SLC6A11: variants seen among roughly 807,000 people sequenced by gnomAD.
The protein encoded by SLC6A11 is solute carrier family 6 member 11.
A neutral mutation model predicts 74.8 loss-of-function variants in SLC6A11; 25 were observed. The ratio of observed to expected loss-of-function variants is 0.33; its 90% CI spans 0.24 to 0.47. SLC6A11 has a LOEUF of 0.47. SLC6A11 is among the 20% of genes least tolerant of loss of function. The pLI, the probability that SLC6A11 is intolerant of heterozygous loss-of-function variation, is 1.00. For missense variants in SLC6A11, 574 were observed against 837.0 expected (o/e 0.69, Z 3.88); for synonymous variants, 330 against 330.2 (o/e 1.00, Z 0.01).
chr3:10,846,125 G>A (rs1289191389), intron 5 of SLC6A11, among the ~76,000 whole-genome samples: 1 of 152,214 alleles, frequency 6.6e-6, no homozygotes, highest in African/African-American at 2.4e-5. Flanking sequence ...AGCAGAGTGA[G>A]TAAGTAATAG....
chr3:10,860,531 G>A (rs1398238209), intron 5 of SLC6A11, among the ~76,000 whole-genome samples: 1 of 152,218 alleles, frequency 6.6e-6, no homozygotes, highest in Non-Finnish European at 1.5e-5. Flanking sequence ...GAAGCTGAAG[G>A]GTTCCCTGAG....
intron 12 of SLC6A11, among the ~76,000 whole-genome samples, chr3:10,934,658 A>G (rs1559589450): frequency 6.6e-6 from 1 of 152,256 alleles, no homozygotes; most frequent in Non-Finnish European, 1.5e-5. Context: ...GCATCTTCAC[A>G]GACTGTTGTA....
At chr3:10,862,876 C>T (rs937424457) in intron 5 of SLC6A11, among the ~76,000 whole-genome samples, 3 of 152,234 alleles carry the variant, frequency 2.0e-5, no homozygotes, top group African/African-American at 7.2e-5. Flanking sequence ...CATTCATCAG[C>T]ATGCTCTCAG....
At chr3:10,839,495 C>T (rs1234768587) in intron 4 of SLC6A11, among the ~76,000 whole-genome samples, 2 of 152,136 alleles carry the variant, frequency 1.3e-5, no homozygotes, top group East Asian at 1.9e-4. Flanking sequence ...GAGGATACCC[C>T]TCCTTGGGTT....
chr3:10,933,743 C>T (rs148672462), intron 11 of SLC6A11, among the ~76,000 whole-genome samples: 7 of 152,288 alleles, frequency 4.6e-5, no homozygotes, highest in Non-Finnish European at 7.3e-5. Flanking sequence ...CTGCCAGGCC[C>T]CTGCCTTCAA....
intron 7 of SLC6A11, among the ~76,000 whole-genome samples, chr3:10,913,020 CCA>C (rs2106626148): frequency 6.6e-6 from 1 of 151,322 alleles, no homozygotes; most frequent in Non-Finnish European, 1.5e-5. Context: ...CAATCCCTTA[CCA>C]CAGAGTAGTG....
At chr3:10,877,237 C>CG (rs1219260028) in intron 6 of SLC6A11, among the ~76,000 whole-genome samples, 3 of 152,166 alleles carry the variant, frequency 2.0e-5, no homozygotes, top group Non-Finnish European at 4.4e-5. Flanking sequence ...ACCCCTGTGT[C>CG]GGGGGGTGGT....
chr3:10,927,178 G>A (rs1180679295), intron 9 of SLC6A11, among the ~76,000 whole-genome samples: 5 of 152,212 alleles, frequency 3.3e-5, no homozygotes, highest in South Asian at 2.1e-4. Context: ...CCAAATCACC[G>A]GGTGTTTCTG....
intron 5 of SLC6A11, among the ~76,000 whole-genome samples, chr3:10,853,367 C>T (rs1232207845): frequency 2.0e-5 from 3 of 152,226 alleles, no homozygotes; most frequent in African/African-American, 4.8e-5. Flanking sequence ...GGGGCACCCC[C>T]GCTTGCTGTC....
chr3:10,925,500 TA>T (rs1184846947), intron 8 of SLC6A11, among the ~76,000 whole-genome samples: 1 of 152,136 alleles, frequency 6.6e-6, no homozygotes, highest in Non-Finnish European at 1.5e-5. Flanking sequence ...GTGCAGCAAC[TA>T]AAACAAGGGA....
At chr3:10,844,674 T>A (rs1694480952) in intron 5 of SLC6A11, among the ~76,000 whole-genome samples, 1 of 152,050 alleles carries the variant, frequency 6.6e-6, no homozygotes, top group Admixed American at 6.5e-5. Context: ...ACTACAAGGG[T>A]TCTTTGGTAA....
intron 6 of SLC6A11, among the ~76,000 whole-genome samples, chr3:10,909,197 T>C (rs1695351308): frequency 6.6e-6 from 1 of 151,740 alleles, no homozygotes; most frequent in Non-Finnish European, 1.5e-5. Context: ...AGAAAAATCC[T>C]TGGATTGGCC....
chr3:10,881,410 C>G (rs763959982), intron 6 of SLC6A11, among the ~76,000 whole-genome samples: 2 of 152,094 alleles, frequency 1.3e-5, no homozygotes, highest in African/African-American at 2.4e-5. Context: ...AGCGAGACTC[C>G]GTCTCAAAAA....
Position 10,832,926 on chromosome 3 carries a change from A to C in SLC6A11, c.623+9534A>C, listed in dbSNP as rs148081831. Among the ~76,000 whole-genome samples the C allele has an allele frequency of 5.9e-3, 901 of 152,318 alleles. 7 individuals carry two copies. The highest frequency in any genetic ancestry group is 0.02 in the African/African-American group (851 of 41,562). ...CAGGATTTGGGTTTCCAAGCTGCTG[A>C]AGTAGGAAGGGGCATGCCAAAGTCT... On this transcript the variant is annotated intron_variant, in intron 4 of 13. Coordinates refer to ENST00000254488, the MANE Select transcript of SLC6A11 (RefSeq NM_014229.3).
chr3:10,878,736 T>C (rs961040343), intron 6 of SLC6A11, among the ~76,000 whole-genome samples: 2 of 152,128 alleles, frequency 1.3e-5, no homozygotes, highest in African/African-American at 2.4e-5. Flanking sequence ...GGACTGAGTT[T>C]AAACATCACT....
In SLC6A11 at chr3:10,938,142, G is replaced by T; in HGVS notation, c.1747-108G>T. ...AGCTGGGGCCCGGACCTTGGTCTGAGAATTCTCCAGCACCCAGATGTCCGC... is the reference window on the plus strand; with the variant it reads ...AGCTGGGGCCCGGACCTTGGTCTGATAATTCTCCAGCACCCAGATGTCCGC... On this transcript the variant is annotated intron_variant, in intron 13 of 13. Transcript: ENST00000254488. 3.5e-6 allele frequency: 4 copies of T among 1,127,424 alleles called. No individual in the cohort carries two copies. In the South Asian group the frequency reaches 6.0e-5, roughly 17 times the overall value. The allele number at this position is 1,127,424 out of a possible 1,614,324, so 69.8% of individuals were successfully genotyped here. A position where few individuals can be genotyped will look rare whatever the true frequency, so the allele number is the denominator to read the frequency against.
intron 8 of SLC6A11, among the ~76,000 whole-genome samples, chr3:10,920,819 C>CT (rs1559583799): frequency 6.6e-6 from 1 of 152,222 alleles, no homozygotes; most frequent in Non-Finnish European, 1.5e-5. Context: ...TTCTGCCTTG[C>CT]TTTTTTGTGT....
chr3:10,929,690 A>G (rs1237449731), intron 10 of SLC6A11, among the ~76,000 whole-genome samples: 1 of 152,200 alleles, frequency 6.6e-6, no homozygotes, highest in Non-Finnish European at 1.5e-5. Flanking sequence ...ACTGGCCCCT[A>G]CAGCATTTAC....
chr3:10,933,862 T>C (rs1695723006), intron 11 of SLC6A11: 2 of 481,090 alleles, frequency 4.2e-6, no homozygotes, highest in Non-Finnish European at 7.5e-6. Context: ...CTCTCTCCAG[T>C]AGTGGGCCAG....
Sources: gnomAD v4.1 joint callset for allele counts (sites outside exome capture counted in the v4.1 genomes callset) on GRCh38, gnomAD v4.1.1 for gene constraint, MANE v1.5 for transcripts, NCBI Gene and HGNC (gene_info 2026-07-23, HGNC 2026-07-21) for gene names.